Variants in GNS observed in about 807,000 individuals in gnomAD.
GNS encodes N-acetylglucosamine-6-sulfatase.
GNS carries 40 observed loss-of-function variants against 69.7 expected under a neutral mutation model. The observed-to-expected ratio is 0.57, with a 90% CI of 0.45 to 0.75. GNS has a LOEUF of 0.75. Ranked by LOEUF, GNS falls within the 30% of genes least tolerant of loss-of-function variation. The pLI is 0.00. For missense variants in GNS, 565 were observed against 685.5 expected (o/e 0.82, Z 1.96); for synonymous variants, 243 against 251.6 (o/e 0.97, Z 0.32).
intron 5 of GNS, among the ~76,000 whole-genome samples, chr12:64,744,309 G>A (rs747569551): frequency 6.6e-6 from 1 of 152,164 alleles, no homozygotes; most frequent in African/African-American, 2.4e-5. Context: ...CAACTATTGA[G>A]TGAATATATA....
Position 64,740,933 on chromosome 12 carries a change from C to G in GNS, c.793-245G>C, listed in dbSNP as rs1869710761. Among the ~76,000 whole-genome samples, 4 of 152,248 alleles carry G rather than the reference C, an allele frequency of 2.6e-5. No homozygotes were observed. In the South Asian group the frequency reaches 8.3e-4, roughly 32 times the overall value. On this transcript the variant is annotated intron_variant, in intron 6 of 13. Transcript: ENST00000258145. The stretch of plus-strand genomic sequence containing the variant: ...CAGCACCTCCCAAACCATAAAAGGT[C>G]TTGGCTTCTCTGTTGGCAGTATTAA...
At chr12:64,730,992 T>G (rs1869373229) in intron 9 of GNS, among the ~76,000 whole-genome samples, 1 of 152,220 alleles carries the variant, frequency 6.6e-6, no homozygotes, top group Non-Finnish European at 1.5e-5. Context: ...AAATGGTGAC[T>G]GTCATCTCAC....
rs1289809048 is a variant in GNS, at chr12:64,744,903, T to G, written c.530A>C (p.Lys177Thr). The change falls in exon 5 of 14, where the codon AAG becomes ACG. Residue 177 changes from lysine (K) to threonine (T), a missense_variant. Transcript: ENST00000258145. ...LGWSYWYALE[K>T]NSKYYNYTLS... is the part of the protein sequence containing the mutation. Reference sequence around the variant, plus strand: ...GGTGTAATTATAATACTTAGAATTCTTTTCCTATTAAAAAGAGGAAAGTCA... The same window carrying G: ...GGTGTAATTATAATACTTAGAATTCGTTTCCTATTAAAAAGAGGAAAGTCA... 1 of 1,435,438 alleles carries G rather than the reference T, an allele frequency of 7.0e-7. No homozygotes were observed. The highest frequency in any genetic ancestry group is 9.8e-7 in the Non-Finnish European group (1 of 1,016,704). 88.9% of individuals were successfully genotyped at this position (1,435,438 alleles called of 1,614,324 possible).
chr12:64,728,829 T>C, intron 10 of GNS, 127 bp downstream of exon 10: 1 of 662,344 alleles, frequency 1.5e-6, no homozygotes, highest in Non-Finnish European at 2.8e-6. Context: ...AGAAAACTCC[T>C]TCCCATCACA....
chr12:64,730,501 C>G (rs974734486), intron 9 of GNS, among the ~76,000 whole-genome samples: 2 of 144,432 alleles, frequency 1.4e-5, no homozygotes, highest in African/African-American at 5.2e-5. Flanking sequence ...ATGGCCAGGA[C>G]AGCTCTTAGA....
chr12:64,751,599 C>T (rs17223594), intron 2 of GNS, among the ~76,000 whole-genome samples: 3,565 of 152,258 alleles, frequency 0.023, 97 homozygotes, highest in South Asian at 0.077. Flanking sequence ...TTTCTCGTAT[C>T]TATTGGGAAG....
At chr12:64,737,415 A>G (rs1166710400) in intron 8 of GNS, among the ~76,000 whole-genome samples, 3 of 152,222 alleles carry the variant, frequency 2.0e-5, no homozygotes, top group African/African-American at 7.2e-5. Flanking sequence ...ACTCAGCCTC[A>G]TCACAACTGA....
At chr12:64,725,336 T>C (rs1180625524) in intron 10 of GNS, among the ~76,000 whole-genome samples, 1 of 152,184 alleles carries the variant, frequency 6.6e-6, no homozygotes, top group Non-Finnish European at 1.5e-5. Flanking sequence ...TATTCTGATA[T>C]AACTTTATTT....
At chr12:64,755,737 G>A (rs2136255527) in intron 1 of GNS, among the ~76,000 whole-genome samples, 1 of 143,252 alleles carries the variant, frequency 7.0e-6, no homozygotes, top group East Asian at 2.1e-4. Flanking sequence ...AGAGTGCGGT[G>A]GCACAATCTC....
chr12:64,740,748 G>T (rs1445599766), intron 6 of GNS, 60 bp from the exon 7 acceptor site: 2 of 810,762 alleles, frequency 2.5e-6, no homozygotes, highest in Non-Finnish European at 4.4e-6. Context: ...CAAACTACTG[G>T]ATTACTACAG....
chr12:64,758,028 T>G (rs1249551195), intron 1 of GNS, among the ~76,000 whole-genome samples: 1 of 152,200 alleles, frequency 6.6e-6, no homozygotes, highest in East Asian at 1.9e-4. Context: ...ACTACTCATG[T>G]CTTGGGCAAG....
In GNS at chr12:64,759,076, A is replaced by T; in HGVS notation, c.192+9T>A. 1 of 1,555,694 alleles carries T rather than the reference A, an allele frequency of 6.4e-7. No homozygotes were observed. Among genetic ancestry groups the T allele is most frequent in the East Asian group, 2.4e-5 (1 of 42,130 alleles). On this transcript the variant is annotated intron_variant, in intron 1 of 13. Transcript: ENST00000258145. Reference sequence around the variant, plus strand: ...AGATAGAGGGGCGGGGCAGAAACAGAAGAGTTACCATGCCGCCGAGCACTT... The same window carrying T: ...AGATAGAGGGGCGGGGCAGAAACAGTAGAGTTACCATGCCGCCGAGCACTT...
chr12:64,718,635 C>A (rs1167204745), intron 13 of GNS, among the ~76,000 whole-genome samples: 3 of 152,208 alleles, frequency 2.0e-5, no homozygotes, highest in Non-Finnish European at 2.9e-5. Context: ...AGGTCCATGT[C>A]CTAGCAGTGG....
intron 7 of GNS, among the ~76,000 whole-genome samples, chr12:64,740,345 C>T (rs1042768819): frequency 1.3e-5 from 2 of 152,162 alleles, no homozygotes; most frequent in Non-Finnish European, 2.9e-5. Flanking sequence ...AAAAATTCTA[C>T]CACATGGTTC....
chr12:64,737,961 CAG>C (rs1317561700), intron 8 of GNS, among the ~76,000 whole-genome samples: 1 of 151,948 alleles, frequency 6.6e-6, no homozygotes, highest in Middle Eastern at 3.4e-3. Context: ...TGGCAAATGA[CAG>C]AGTTAGGAGA....
rs1416267216 is a variant in GNS at position 64,743,241 on chromosome 12, G to A, written c.692C>T (p.Thr231Ile). Residue 231 changes from threonine (T) to isoleucine (I), a missense_variant, in exon 6 of 14, where the codon ACT (threonine) becomes ATT (isoleucine). Around this residue, in one of 2 missense-constraint regions of GNS, gnomAD observed 384 missense variants for 511.0 expected, o/e 0.75. Coordinates refer to ENST00000258145, the MANE Select transcript of GNS (RefSeq NM_002076.4). ...TGTCCAAGGCGAATGAGGCGCTGGA[G>A]TGGCGATCATCATGAAGAAGGGCTC... ...NFEPFFMMIA[T>I]PAPHSPWTAA... The A allele has an allele frequency of 5.0e-6, 8 of 1,612,422 alleles. No individual in the cohort carries two copies. Among genetic ancestry groups the A allele is most frequent in the Non-Finnish European group, 6.8e-6 (8 of 1,178,460 alleles).
At position 64,722,958 on chromosome 12, in the gene GNS, ATGT is replaced by A. The variant is rs1191255193; in HGVS notation, c.1308+45_1308+47del. 3 of 1,095,606 alleles carry A rather than the reference ATGT, an allele frequency of 2.7e-6. No homozygotes were observed. In the East Asian group the frequency reaches 7.0e-5, roughly 26 times the overall value. 67.9% of individuals were successfully genotyped at this position (1,095,606 alleles called of 1,614,324 possible). ...GACACATGGCAACCAGCACCTTGCC[ATGT>A]TGTCAGTGAGAAAGCTGTCTAAGTT... On this transcript the variant is annotated intron_variant, in intron 11 of 13. Transcript: ENST00000258145.
chr12:64,720,551 C>A (rs1868994494), intron 12 of GNS, among the ~76,000 whole-genome samples: 1 of 152,118 alleles, frequency 6.6e-6, no homozygotes, highest in Middle Eastern at 3.2e-3. Context: ...CAAGACTTGG[C>A]AATAAAGTTA....
At chr12:64,737,180 AATCCAC>A (rs1005304180) in intron 8 of GNS, 73 bp from the exon 9 acceptor site, 3 of 854,184 alleles carry the variant, frequency 3.5e-6, no homozygotes, top group Non-Finnish European at 6.1e-6. Context: ...TCACTCATTT[AATCCAC>A]AGCCAAAACT....
Sources: allele counts gnomAD v4.1 joint callset (sites outside exome capture counted in the v4.1 genomes callset), GRCh38; gene constraint gnomAD v4.1.1; regional missense constraint gnomAD v4.1.1; transcripts MANE v1.5; gene names NCBI Gene and HGNC (gene_info 2026-07-23, HGNC 2026-07-21).